FAM167A: variants seen among roughly 807,000 people sequenced by gnomAD.
FAM167A encodes the protein protein FAM167A.
Under a neutral mutation model 14.9 loss-of-function variants are expected in FAM167A, and 23 were observed. The ratio of observed to expected loss-of-function variants is 1.55; its 90% CI spans 1.11 to 2.19. FAM167A has a LOEUF of 2.19. Among genes scored for constraint, FAM167A ranks in the 30% most tolerant of loss-of-function variants. The probability of loss-of-function intolerance (pLI) is 0.00; values close to 1 mark genes in which losing one functional copy is unlikely to be tolerated. For missense variants in FAM167A, 401 were observed against 281.5 expected (o/e 1.42, Z -3.04); for synonymous variants, 174 against 117.7 (o/e 1.48, Z -3.10).
chr8:11,460,831 G>A (rs1807508881), intron 1 of FAM167A, among the ~76,000 whole-genome samples: 1 of 152,096 alleles, frequency 6.6e-6, no homozygotes, highest in African/African-American at 2.4e-5. Flanking sequence ...TGCATCTATT[G>A]TCTAGGAAAC....
At chr8:11,457,501 C>T (rs1323295818) in intron 1 of FAM167A, among the ~76,000 whole-genome samples, 1 of 152,008 alleles carries the variant, frequency 6.6e-6, no homozygotes, top group Non-Finnish European at 1.5e-5. Context: ...TCACTTACTC[C>T]GTGATGTTTG....
At chr8:11,450,244 C>G (rs1806970933) in intron 1 of FAM167A, among the ~76,000 whole-genome samples, 2 of 152,214 alleles carry the variant, frequency 1.3e-5, no homozygotes, top group Admixed American at 6.5e-5. Flanking sequence ...TTTGCCCAGG[C>G]TGGGCTGTGT....
intron 2 of FAM167A, among the ~76,000 whole-genome samples, chr8:11,443,307 T>C (rs1401933262): frequency 6.6e-6 from 1 of 152,220 alleles, no homozygotes; most frequent in Non-Finnish European, 1.5e-5. Context: ...AAGATGCTCC[T>C]ATTGGGAATC....
intron 2 of FAM167A, chr8:11,438,115 C>A: frequency 2.2e-6 from 1 of 456,632 alleles, no homozygotes. Flanking sequence ...GCCAGGCGGC[C>A]AGTGGAGGCC....
At chr8:11,469,462 G>A (rs1807887086), upstream of FAM167A, among the ~76,000 whole-genome samples, 1 of 147,680 alleles carries the variant, frequency 6.8e-6, no homozygotes, top group African/African-American at 2.4e-5. Flanking sequence ...GCCACCTAGA[G>A]GTTCTCTCTT....
At chr8:11,450,439 G>C (rs993384329) in intron 1 of FAM167A, among the ~76,000 whole-genome samples, 1 of 152,186 alleles carries the variant, frequency 6.6e-6, no homozygotes, top group African/African-American at 2.4e-5. Flanking sequence ...AGAGACTGAG[G>C]CATAGACAGG....
chr8:11,455,460 G>A (rs1254628275), intron 1 of FAM167A, among the ~76,000 whole-genome samples: 1 of 140,622 alleles, frequency 7.1e-6, no homozygotes, highest in Non-Finnish European at 1.5e-5. Flanking sequence ...TGCTCTGCTG[G>A]GTATGTGTGA....
At chr8:11,472,060 A>C (rs1807976966), upstream of FAM167A, among the ~76,000 whole-genome samples, 1 of 152,254 alleles carries the variant, frequency 6.6e-6, no homozygotes. Flanking sequence ...CCTATTTTCC[A>C]GTTTATTAAC....
rs1804815101 is a variant in FAM167A at position 11,422,390 on chromosome 8, GT to G, written c.*1982del. On this transcript the variant is annotated 3_prime_UTR_variant, in exon 3 of 3. Coordinates refer to ENST00000284486, the MANE Select transcript of FAM167A (RefSeq NM_053279.3). Reference sequence around the variant, plus strand: ...TGTGTGGGGGTGTGTGTGTGTGTGTGTGTGTGTGTGTGTGTAGGTCAGCCCG... The same window carrying G: ...TGTGTGGGGGTGTGTGTGTGTGTGTGGTGTGTGTGTGTGTAGGTCAGCCCG... The G allele has an allele frequency of 6.7e-6, 1 of 150,188 alleles. No individual in the cohort carries two copies. The highest frequency in any genetic ancestry group is 1.5e-5 in the Non-Finnish European group (1 of 68,208). The allele number at this position is 150,188 out of a possible 1,614,324, so 9.3% of individuals were successfully genotyped here.
At chr8:11,438,072 T>A (rs1485578590) in intron 2 of FAM167A, 1 of 447,944 alleles carries the variant, frequency 2.2e-6, no homozygotes, top group Admixed American at 2.5e-5. Context: ...CCCTGACCCA[T>A]CCACCTTGGC....
At chr8:11,443,288 C>T (rs1806549408) in intron 2 of FAM167A, among the ~76,000 whole-genome samples, 1 of 152,212 alleles carries the variant, frequency 6.6e-6, no homozygotes, top group Admixed American at 6.5e-5. Flanking sequence ...GCTGAGTCAC[C>T]ATGCACAAAA....
chr8:11,455,205 C>CTG (rs370728935), intron 1 of FAM167A, among the ~76,000 whole-genome samples: 7 of 114,470 alleles, frequency 6.1e-5, no homozygotes, highest in African/African-American at 1.7e-4. Context: ...TTGCCTTGCT[C>CTG]TGTGTGTGTG....
chr8:11,432,571 T>C (rs1036746177), intron 2 of FAM167A, among the ~76,000 whole-genome samples: 25 of 152,172 alleles, frequency 1.6e-4, no homozygotes, highest in Admixed American at 6.5e-5. Context: ...GGAAATAACA[T>C]GCTGGAGAGG....
At chr8:11,440,363 T>G (rs973026820) in intron 2 of FAM167A, among the ~76,000 whole-genome samples, 3 of 152,172 alleles carry the variant, frequency 2.0e-5, no homozygotes, top group African/African-American at 7.2e-5. Flanking sequence ...TCTGATCTAC[T>G]TGCTGATCCC....
chr8:11,474,507 T>C (rs1797808965), intron 1 of FAM167A: 1 of 152,198 alleles, frequency 6.6e-6, no homozygotes, highest in Non-Finnish European at 1.5e-5. Flanking sequence ...TGCCAGGCTA[T>C]GGTTCACATC....
chr8:11,447,752 G>C lies in FAM167A; in HGVS notation c.-397-2944C>G, dbSNP rs1442736656. The stretch of plus-strand genomic sequence containing the variant: ...GTGTGGGCTCTGGGTTAGAGCTCCA[G>C]GGCAGCCATTGGCTTTGTGACGCTG... On this transcript the variant is annotated intron_variant, in intron 1 of 2. Transcript: ENST00000284486. Among the ~76,000 whole-genome samples the C allele has an allele frequency of 3.9e-5, 6 of 152,324 alleles. No individual in the cohort carries two copies. In the East Asian group the frequency reaches 1.2e-3, roughly 29 times the overall value.
intron 1 of FAM167A, among the ~76,000 whole-genome samples, chr8:11,463,379 C>T (rs1807615839): frequency 6.6e-6 from 1 of 152,202 alleles, no homozygotes; most frequent in East Asian, 1.9e-4. Context: ...CAGTGGGGGC[C>T]AGGTCCCTAA....
intron 1 of FAM167A, among the ~76,000 whole-genome samples, chr8:11,457,152 G>A (rs937604723): frequency 6.6e-6 from 1 of 151,362 alleles, no homozygotes; most frequent in Non-Finnish European, 1.5e-5. Flanking sequence ...GGTGTGGGTG[G>A]GATCAGGGCT....
intron 2 of FAM167A, among the ~76,000 whole-genome samples, chr8:11,439,208 A>G (rs748351457): frequency 1.2e-4 from 18 of 152,250 alleles, no homozygotes; most frequent in Non-Finnish European, 2.1e-4. Flanking sequence ...TCTCCTCTGT[A>G]AGATGGGAAT....
Sources: gnomAD v4.1 joint callset for allele counts (sites outside exome capture counted in the v4.1 genomes callset) on GRCh38, gnomAD v4.1.1 for gene constraint, MANE v1.5 for transcripts, NCBI Gene and HGNC (gene_info 2026-07-23, HGNC 2026-07-21) for gene names.